Variants in SLC18A1 observed in about 807,000 individuals in gnomAD.
SLC18A1 encodes chromaffin granule amine transporter.
In SLC18A1, 69 loss-of-function variants were observed where a neutral mutation model predicts 53.7. The ratio of observed to expected loss-of-function variants is 1.28; its 90% CI spans 1.06 to 1.57. SLC18A1 has a LOEUF of 1.57. SLC18A1 is among the 40% of genes most tolerant of loss of function. The pLI, the probability that SLC18A1 is intolerant of heterozygous loss-of-function variation, is 0.00. For synonymous variants in SLC18A1, 320 were observed against 248.1 expected, an observed-to-expected ratio of 1.29 and a Z score of -2.72; for missense variants, 932 against 668.1, an observed-to-expected ratio of 1.40 and a Z score of -4.35.
rs146062757 is a variant in SLC18A1 at position 20,154,193 on chromosome 8, C to G, written c.1016-3449G>C. Among the ~76,000 whole-genome samples, 22 of 152,162 alleles carry G rather than the reference C, an allele frequency of 1.4e-4. No individual in the cohort carries two copies. The East Asian group carries it at 4.3e-3, about 29-fold the overall frequency. ...CCTCAGATATTCCTTTATAGCCATG[C>G]AAAATGAACTAATACACAAAGTGAG... On this transcript the variant is annotated intron_variant, in intron 10 of 15. Coordinates refer to ENST00000276373, the MANE Select transcript of SLC18A1 (RefSeq NM_003053.4).
chr8:20,153,304 G>T (rs765744582), intron 10 of SLC18A1, among the ~76,000 whole-genome samples: 1 of 152,192 alleles, frequency 6.6e-6, no homozygotes, highest in Non-Finnish European at 1.5e-5. Flanking sequence ...TTTTTGGCAA[G>T]TGACAAGCCC....
Position 20,173,639 on chromosome 8 carries a change from C to A in SLC18A1, c.632-511G>T, listed in dbSNP as rs542557439. ...ATAAAATGCCAACTTCATAAGATTG[C>A]ATTAGATATTATATTCACCAGTACT... On this transcript the variant is annotated intron_variant, in intron 5 of 15. Transcript: ENST00000276373. 1.5e-4 allele frequency among the ~76,000 whole-genome samples: 23 copies of A among 152,298 alleles called. No individual in the cohort carries two copies. In the South Asian group the frequency reaches 4.6e-3, roughly 30 times the overall value.
chr8:20,170,754 T>C (rs984136370), intron 8 of SLC18A1, among the ~76,000 whole-genome samples: 13 of 149,504 alleles, frequency 8.7e-5, no homozygotes, highest in African/African-American at 2.9e-4. Context: ...ATTACATGTG[T>C]GTGTGCACAT....
chr8:20,162,648 A>G (rs1403431726), intron 10 of SLC18A1, among the ~76,000 whole-genome samples: 1 of 152,212 alleles, frequency 6.6e-6, no homozygotes, highest in Non-Finnish European at 1.5e-5. Flanking sequence ...TTGTAACTGT[A>G]TAACAAGGAT....
At chr8:20,150,003 G>A (rs1208879457) in intron 11 of SLC18A1, among the ~76,000 whole-genome samples, 1 of 152,180 alleles carries the variant, frequency 6.6e-6, no homozygotes, top group Non-Finnish European at 1.5e-5. Flanking sequence ...AGCTGACTCA[G>A]GAGGCACTTG....
chr8:20,175,032 C>G (rs1314527246), intron 4 of SLC18A1, among the ~76,000 whole-genome samples: 1 of 152,200 alleles, frequency 6.6e-6, no homozygotes, highest in Non-Finnish European at 1.5e-5. Flanking sequence ...CTCTGCTAGA[C>G]TCTGTAGCAA....
In SLC18A1 at chr8:20,150,696, A is replaced by T; in HGVS notation, c.1064T>A (p.Leu355His). The change falls in exon 11 of 16, where the codon CTC (leucine) becomes CAC (histidine). Residue 355 changes from leucine to histidine, a missense_variant. Physicochemically the swap from Leu to His is moderately conservative, Grantham distance 99. Coordinates refer to ENST00000276373, the MANE Select transcript of SLC18A1 (RefSeq NM_003053.4). ...CATCTTGTTGGCCAACACACCAAAG[A>T]GGTTGGTGCCAATGAGGTAGGACAC... is the stretch of plus-strand genomic sequence containing the variant. ...ASVSYLIGTN[L>H]FGVLANKMGR... The T allele has an allele frequency of 6.2e-7, 1 of 1,614,090 alleles. No homozygotes were observed. The highest frequency in any genetic ancestry group is 1.1e-5 in the South Asian group (1 of 91,074).
intron 10 of SLC18A1, among the ~76,000 whole-genome samples, chr8:20,155,486 C>T (rs986441915): frequency 2.0e-5 from 3 of 152,086 alleles, no homozygotes; most frequent in African/African-American, 4.8e-5. Context: ...TGGGGGAAGC[C>T]GAAGGCCGAC....
rs963525707 is a variant in SLC18A1, at chr8:20,171,156, AAAG to A, written c.815-13_815-11del. ...ATGCAAAGCTGGAGTGCTAAGAAACAAAGAAGGTGAGACAGTTCAGCGTGTCTA... is the reference window on the plus strand; with the variant it reads ...ATGCAAAGCTGGAGTGCTAAGAAACAAAGGTGAGACAGTTCAGCGTGTCTA... On this transcript the variant is annotated splice_polypyrimidine_tract_variant and intron_variant, in intron 7 of 15. Transcript: ENST00000276373. 6.2e-7 allele frequency: 1 copy of A among 1,614,178 alleles called. No individual in the cohort carries two copies. The highest frequency in any genetic ancestry group is 1.7e-5 in the Admixed American group (1 of 60,020).
rs2071359589 is a variant in SLC18A1, at chr8:20,145,049, AG to A, written c.*713del. On this transcript the variant is annotated 3_prime_UTR_variant, in exon 16 of 16. Transcript: ENST00000276373. ...TCTAAGAGTCTAAGAGGTTCAGAAA[AG>A]GTAGGAACACACAGGGGAGGTCAGG... 6.6e-6 allele frequency: 1 copy of A among 152,062 alleles called. No individual in the cohort carries two copies. Among genetic ancestry groups the A allele is most frequent in the African/African-American group, 2.4e-5 (1 of 41,390 alleles). The allele number at this position is 152,062 out of a possible 1,614,324, so 9.4% of individuals were successfully genotyped here.
At position 20,174,343 on chromosome 8, in the gene SLC18A1, A is replaced by G; in HGVS notation, c.631+18T>C. The G allele has an allele frequency of 1.3e-6, 2 of 1,577,808 alleles. No homozygotes were observed. The highest frequency in any genetic ancestry group is 1.7e-6 in the Non-Finnish European group (2 of 1,146,944). On this transcript the variant is annotated intron_variant, in intron 5 of 15. Coordinates refer to ENST00000276373, the MANE Select transcript of SLC18A1 (RefSeq NM_003053.4). ...GCATGCCTGCATGTGTGTGTGCATG[A>G]TGAGTTGCCAGTGTTACCTGCAACA...
At chr8:20,159,495 C>A (rs1444325563) in intron 10 of SLC18A1, among the ~76,000 whole-genome samples, 1 of 151,820 alleles carries the variant, frequency 6.6e-6, no homozygotes, top group African/African-American at 2.4e-5. Context: ...ATCAAATAAT[C>A]TATCACCTGA....
Position 20,149,775 on chromosome 8 carries a change from T to A in SLC18A1, c.1095-48A>T, listed in dbSNP as rs1460416625. On this transcript the variant is annotated intron_variant, in intron 11 of 15. Transcript: ENST00000276373. The stretch of plus-strand genomic sequence containing the variant: ...AAACACCACTAGGGGAGAGCTCCCC[T>A]CCACCTGTACCCCATCACCGCCATG... 5 of 1,573,410 alleles carry A rather than the reference T, an allele frequency of 3.2e-6. No individual in the cohort carries two copies. In the African/African-American group the frequency reaches 6.8e-5, roughly 21 times the overall value.
In SLC18A1 at chr8:20,148,025, C is replaced by G. The variant is rs562054096; in HGVS notation, c.1192G>C (p.Gly398Arg). ...NIFGLIGPNA[G>R]LGLAIGMVDS... ...TTCTTACCTATGGCAAGGCCAAGCC[C>G]TGCATTGGGGCCAATGAGACCAAAA... Residue 398 changes from glycine (G) to arginine (R), a missense_variant, in exon 13 of 16, where the codon GGG (glycine) becomes CGG (arginine). Physicochemically the swap from Gly to Arg is moderately radical, Grantham distance 125 (BLOSUM62 -2). Coordinates refer to ENST00000276373, the MANE Select transcript of SLC18A1 (RefSeq NM_003053.4). 11 of 1,613,968 alleles carry G rather than the reference C, an allele frequency of 6.8e-6. No homozygotes were observed. Among genetic ancestry groups the G allele is most frequent in the Non-Finnish European group, 8.5e-6 (10 of 1,180,000 alleles).
chr8:20,179,991 A>T (rs1466188627), intron 2 of SLC18A1, among the ~76,000 whole-genome samples: 1 of 152,106 alleles, frequency 6.6e-6, no homozygotes, highest in Non-Finnish European at 1.5e-5. Flanking sequence ...TTGAATCCCA[A>T]CTCTGGCACC....
At chr8:20,175,038 A>G (rs548369736) in intron 4 of SLC18A1, among the ~76,000 whole-genome samples, 86 of 152,362 alleles carry the variant, frequency 5.6e-4, no homozygotes, top group Middle Eastern at 6.8e-3. Context: ...TAGACTCTGT[A>G]GCAAATGCAA....
intron 8 of SLC18A1, among the ~76,000 whole-genome samples, chr8:20,166,333 A>ATATATATG (rs1295324127): frequency 1.7e-5 from 1 of 57,336 alleles, no homozygotes; most frequent in Non-Finnish European, 3.2e-5. Flanking sequence ...ATATATATAC[A>ATATATATG]CCACCAGGTG....
intron 10 of SLC18A1, among the ~76,000 whole-genome samples, chr8:20,159,123 C>A (rs776705679): frequency 5.3e-5 from 8 of 152,234 alleles, no homozygotes; most frequent in South Asian, 2.1e-4. Context: ...CTAAGATCTA[C>A]TACAGACCCC....
At position 20,165,120 on chromosome 8, in the gene SLC18A1, A is replaced by G. The variant is rs2071924879; in HGVS notation, c.859-13T>C. On this transcript the variant is annotated splice_polypyrimidine_tract_variant and intron_variant, in intron 8 of 15. Transcript: ENST00000276373. ...TCCCCTTGGCACTCTGAGAACATGG[A>G]TAACAAAAAATGTCCATTTGTACAG... 1 of 1,611,886 alleles carries G rather than the reference A, an allele frequency of 6.2e-7. No individual in the cohort carries two copies. Among genetic ancestry groups the G allele is most frequent in the Non-Finnish European group, 8.5e-7 (1 of 1,177,940 alleles).
Sources: gnomAD v4.1 joint callset for allele counts (sites outside exome capture counted in the v4.1 genomes callset) on GRCh38, gnomAD v4.1.1 for gene constraint, MANE v1.5 for transcripts, NCBI Gene and HGNC (gene_info 2026-07-23, HGNC 2026-07-21) for gene names.